Variants in MVK observed in about 807,000 individuals in gnomAD.
MVK encodes the protein LH receptor mRNA-binding protein.
In MVK, 34 loss-of-function variants were observed where a neutral mutation model predicts 43.2. That is an observed-to-expected ratio of 0.79 (90% CI 0.60 to 1.05). MVK has a LOEUF of 1.05. MVK is among the 50% of genes least tolerant of loss of function. The pLI, the probability that MVK is intolerant of heterozygous loss-of-function variation, is 0.00. For synonymous variants in MVK, 190 were observed against 219.8 expected (o/e 0.86, Z 1.20); for missense variants, 395 against 504.0 (o/e 0.78, Z 2.07).
Position 109,596,740 on chromosome 12 carries a change from G to A in MVK, c.*163G>A, listed in dbSNP as rs1885933546. 1 of 1,034,738 alleles carries A rather than the reference G, an allele frequency of 9.7e-7. No individual in the cohort carries two copies. Among genetic ancestry groups the A allele is most frequent in the Admixed American group, 2.1e-5 (1 of 47,928 alleles). The allele number at this position is 1,034,738 out of a possible 1,614,324, so 64.1% of individuals were successfully genotyped here. A position where few individuals can be genotyped will look rare whatever the true frequency, so the allele number is the denominator to read the frequency against. ...AGCCAAGCTCTGCAGTCCCAGCGGT[G>A]GGACCTAGGGAGGCATGGTCTGCCC... On this transcript the variant is annotated 3_prime_UTR_variant, in exon 11 of 11. Coordinates refer to ENST00000228510, the MANE Select transcript of MVK (RefSeq NM_000431.4).
At chr12:109,583,013 G>GTTTGTT (rs1241186647) in intron 5 of MVK, among the ~76,000 whole-genome samples, 44 of 151,822 alleles carry the variant, frequency 2.9e-4, no homozygotes, top group Admixed American at 2.9e-3. Context: ...GAAACACCTG[G>GTTTGTT]TTTGTTTTTG....
chr12:109,590,632 C>G (rs1338065787), intron 7 of MVK, 139 bp from the exon 8 acceptor site: 2 of 756,578 alleles, frequency 2.6e-6, no homozygotes, highest in East Asian at 5.3e-5. Flanking sequence ...AAGCCCCATG[C>G]TCCCCCAATC....
intron 5 of MVK, among the ~76,000 whole-genome samples, chr12:109,584,196 A>G (rs1157560777): frequency 6.6e-6 from 1 of 152,270 alleles, no homozygotes; most frequent in Non-Finnish European, 1.5e-5. Flanking sequence ...AGCATTTAGC[A>G]CAATGTTTGG....
At chr12:109,588,356 G>A (rs2136240526) in intron 7 of MVK, 1 of 152,430 alleles carries the variant, frequency 6.6e-6, no homozygotes, top group East Asian at 1.9e-4. Flanking sequence ...TCTCCTGAGA[G>A]CCACTTGTGG....
chr12:109,593,527 C>T (rs575016685), intron 9 of MVK, among the ~76,000 whole-genome samples: 2 of 141,212 alleles, frequency 1.4e-5, no homozygotes, highest in Non-Finnish European at 3.3e-5. Flanking sequence ...GCAGACCCGC[C>T]TTCCAGTGCC....
At chr12:109,583,656 T>A (rs182449342) in intron 5 of MVK, among the ~76,000 whole-genome samples, 1,565 of 152,268 alleles carry the variant, frequency 0.01, 19 homozygotes, top group African/African-American at 0.031. Context: ...TAGTTCTACA[T>A]CCCTGAGGAA....
At chr12:109,579,967 A>C in intron 4 of MVK, 21 bp downstream of exon 4, 1 of 1,614,154 alleles carries the variant, frequency 6.2e-7, no homozygotes, top group Non-Finnish European at 8.5e-7. Context: ...GGTCTGGGGA[A>C]GGAGTCCAGA....
upstream of MVK, chr12:109,573,556 C>T (rs759921949): frequency 4.7e-6 from 7 of 1,502,644 alleles, no homozygotes; most frequent in African/African-American, 5.5e-5. Context: ...CCACAGCTGG[C>T]CGCGCCACCG....
intron 2 of MVK, 117 bp from the exon 3 acceptor site, chr12:109,575,881 G>A: frequency 1.6e-6 from 2 of 1,231,238 alleles, no homozygotes; most frequent in Admixed American, 3.6e-5. Context: ...GCAGTGTCTG[G>A]CAAGGGCATG....
At chr12:109,573,789 C>T (rs551699474), upstream of MVK, 3 of 405,174 alleles carry the variant, frequency 7.4e-6, no homozygotes, top group African/African-American at 2.1e-5. Flanking sequence ...CCTTGAGGCA[C>T]GGGCGCTCTG....
At chr12:109,583,100 C>G (rs187206532) in intron 5 of MVK, among the ~76,000 whole-genome samples, 1 of 128,074 alleles carries the variant, frequency 7.8e-6, no homozygotes, top group African/African-American at 3.1e-5. Flanking sequence ...TTTTTTTTTT[C>G]TTTTATTATT....
At chr12:109,579,361 A>G in intron 3 of MVK, 1 of 353,716 alleles carries the variant, frequency 2.8e-6, no homozygotes, top group Non-Finnish European at 5.6e-6. Context: ...GCTGGTCTCA[A>G]ACTCCTAGGC....
intron 3 of MVK, 141 bp from the exon 4 acceptor site, chr12:109,579,661 T>G: frequency 1.7e-6 from 2 of 1,175,228 alleles, no homozygotes; most frequent in African/African-American, 1.5e-5. Flanking sequence ...ATGAACAGAC[T>G]TGGGTGTGGG....
At chr12:109,579,636 G>A (rs1270029836) in intron 3 of MVK, among the ~76,000 whole-genome samples, 166 bp from the exon 4 acceptor site, 2 of 152,226 alleles carry the variant, frequency 1.3e-5, no homozygotes, top group Admixed American at 6.5e-5. Flanking sequence ...TCAAACCCAA[G>A]TCTGCCTAAA....
At chr12:109,592,739 T>C (rs1885738583) in intron 9 of MVK, among the ~76,000 whole-genome samples, 1 of 152,214 alleles carries the variant, frequency 6.6e-6, no homozygotes, top group African/African-American at 2.4e-5. Flanking sequence ...GCCGACGGAC[T>C]GGTCTGTCCC....
At position 109,591,920 on chromosome 12, in the gene MVK, C is replaced by T. The variant is rs191903358; in HGVS notation, c.885+563C>T. 1.8e-3 allele frequency among the ~76,000 whole-genome samples: 273 copies of T among 152,292 alleles called. 4 individuals carry two copies. The highest frequency in any genetic ancestry group is 6.2e-3 in the African/African-American group (256 of 41,570). On this transcript the variant is annotated intron_variant, in intron 9 of 10. Transcript: ENST00000228510. ...TGTGTGAATCCCAGCTCCACTTCTG[C>T]TGGACGTGTGGCCTCGCTAGAGTGT...
chr12:109,587,219 C>G (rs191633961), intron 7 of MVK: 2 of 260,034 alleles, frequency 7.7e-6, no homozygotes, highest in Non-Finnish European at 1.6e-5. Context: ...CAGACACACA[C>G]AAAAGCCGCC....
At chr12:109,573,440 C>T (rs755568905), upstream of MVK, 45 of 1,606,806 alleles carry the variant, frequency 2.8e-5, no homozygotes, top group Non-Finnish European at 3.7e-5. Context: ...GCCAAGACGG[C>T]TCCCCAGGCC....
chr12:109,580,027 G>T, intron 4 of MVK, 81 bp downstream of exon 4: 1 of 1,585,304 alleles, frequency 6.3e-7, no homozygotes, highest in Non-Finnish European at 8.6e-7. Flanking sequence ...TGCTGCTGGA[G>T]AATGCACATG....
Sources: gnomAD v4.1 joint callset for allele counts (sites outside exome capture counted in the v4.1 genomes callset) on GRCh38, gnomAD v4.1.1 for gene constraint, MANE v1.5 for transcripts, NCBI Gene and HGNC (gene_info 2026-07-23, HGNC 2026-07-21) for gene names.